INVS: variants seen among roughly 807,000 people sequenced by gnomAD.
The protein encoded by INVS is inversin.
Under a neutral mutation model 108.8 loss-of-function variants are expected in INVS, and 86 were observed. That is an observed-to-expected ratio of 0.79 (90% CI 0.66 to 0.95). INVS has a LOEUF of 0.95. INVS is among the 40% of genes least tolerant of loss of function. The probability of loss-of-function intolerance (pLI) is 0.00; values close to 1 mark genes in which losing one functional copy is unlikely to be tolerated. For missense variants in INVS, 1,169 were observed against 1,297.4 expected (o/e 0.90, Z 1.52); for synonymous variants, 455 against 473.5 (o/e 0.96, Z 0.51).
intron 3 of INVS, among the ~76,000 whole-genome samples, chr9:100,185,383 C>T (rs1236949714): frequency 1.3e-5 from 2 of 151,564 alleles, no homozygotes; most frequent in Non-Finnish European, 2.9e-5. Context: ...TTCAACCAGT[C>T]ACCACCTCCA....
At chr9:100,246,565 C>A in intron 7 of INVS, 51 bp from the exon 8 acceptor site, 1 of 1,351,874 alleles carries the variant, frequency 7.4e-7, no homozygotes, top group Non-Finnish European at 1.1e-6. Context: ...TTTATTACCA[C>A]AGAAAATACT....
chr9:100,219,894 A>G (rs1361786614), intron 3 of INVS, among the ~76,000 whole-genome samples: 6 of 146,168 alleles, frequency 4.1e-5, no homozygotes, highest in South Asian at 2.1e-4. Flanking sequence ...ATATATATAT[A>G]TATATGTTTG....
chr9:100,233,066 C>T (rs965855232), intron 5 of INVS, among the ~76,000 whole-genome samples: 4 of 152,026 alleles, frequency 2.6e-5, no homozygotes, highest in Non-Finnish European at 5.9e-5. Context: ...CAGGGAACTA[C>T]AATGTGAAGA....
At chr9:100,174,779 G>A (rs185784624) in intron 3 of INVS, among the ~76,000 whole-genome samples, 42 of 152,142 alleles carry the variant, frequency 2.8e-4, no homozygotes, top group African/African-American at 1.0e-3. Flanking sequence ...GGGCATGGTG[G>A]TGCGTGCCTG....
intron 3 of INVS, among the ~76,000 whole-genome samples, chr9:100,150,103 TTCTC>T (rs1362500736): frequency 6.6e-6 from 1 of 152,216 alleles, no homozygotes; most frequent in Non-Finnish European, 1.5e-5. Context: ...AAGGGTTTCT[TTCTC>T]ATAGGTCAGA....
At chr9:100,100,812 A>T (rs1275435404) in intron 1 of INVS, among the ~76,000 whole-genome samples, 1 of 8,832 alleles carries the variant, frequency 1.1e-4, no homozygotes, top group African/African-American at 4.9e-4. Context: ...TGTATATATA[A>T]TATATATAAT....
At chr9:100,272,767 G>T in intron 11 of INVS, 97 bp from the exon 12 acceptor site, 1 of 1,136,200 alleles carries the variant, frequency 8.8e-7, no homozygotes, top group South Asian at 1.3e-5. Context: ...ATCTTAGAAT[G>T]AAGTTTCCTT....
intron 10 of INVS, among the ~76,000 whole-genome samples, chr9:100,253,805 C>T (rs532370363): frequency 6.6e-6 from 1 of 152,234 alleles, no homozygotes; most frequent in East Asian, 1.9e-4. Flanking sequence ...TTTCTTAATC[C>T]AGTCTATCAT....
chr9:100,197,969 C>A (rs7854689), intron 3 of INVS, among the ~76,000 whole-genome samples: 4 of 152,058 alleles, frequency 2.6e-5, no homozygotes, highest in Admixed American at 2.6e-4. Context: ...GTTTCTGAGG[C>A]CTAAAGCACC....
At chr9:100,241,001 G>A (rs901054024) in intron 6 of INVS, among the ~76,000 whole-genome samples, 2 of 152,034 alleles carry the variant, frequency 1.3e-5, no homozygotes. Flanking sequence ...AGAGTCAAGA[G>A]CAAAAATGCA....
chr9:100,254,133 T>C (rs972178728), intron 10 of INVS, among the ~76,000 whole-genome samples: 14 of 152,186 alleles, frequency 9.2e-5, no homozygotes, highest in Non-Finnish European at 2.1e-4. Flanking sequence ...TGGTATCTCA[T>C]TGTGGTTTTG....
chr9:100,278,775 C>A, intron 12 of INVS, among the ~76,000 whole-genome samples: 1 of 152,122 alleles, frequency 6.6e-6, no homozygotes, highest in East Asian at 1.9e-4. Context: ...TTGCCTTGCT[C>A]AAGGCAGCAA....
chr9:100,296,972 GGAGAT>G lies in INVS; in HGVS notation c.2844_2848del (p.Asp949GlyfsTer52), dbSNP rs772665481. ...TCGGCATATGAAGCAGCTTGGAGCT[GGAGAT>G]GTGGACAGATGGAGGCAAGAGTCTA... is the stretch of plus-strand genomic sequence containing the variant. On this transcript the variant is annotated frameshift_variant, in exon 15 of 17. Coordinates refer to ENST00000262457, the MANE Select transcript of INVS (RefSeq NM_014425.5). LOFTEE classifies it high-confidence loss of function. 6.2e-7 allele frequency: 1 copy of G among 1,614,088 alleles called. No individual in the cohort carries two copies. Among genetic ancestry groups the G allele is most frequent in the African/African-American group, 1.3e-5 (1 of 75,014 alleles).
intron 3 of INVS, among the ~76,000 whole-genome samples, chr9:100,139,338 T>C (rs1828344492): frequency 1.3e-5 from 2 of 152,210 alleles, no homozygotes; most frequent in African/African-American, 4.8e-5. Context: ...ATTAACTCCT[T>C]TCCTTTAACT....
At chr9:100,248,793 A>G (rs1440523366) in intron 8 of INVS, among the ~76,000 whole-genome samples, 1 of 152,072 alleles carries the variant, frequency 6.6e-6, no homozygotes, top group Non-Finnish European at 1.5e-5. Context: ...AATAGAGAGC[A>G]TTGGAGGGAG....
At chr9:100,264,682 C>A in intron 10 of INVS, 140 bp from the exon 11 acceptor site, 1 of 672,342 alleles carries the variant, frequency 1.5e-6, no homozygotes, top group Admixed American at 2.3e-5. Flanking sequence ...GCTTTCTCCA[C>A]TGTATATTTA....
chr9:100,103,693 A>C (rs1020531560), intron 1 of INVS, among the ~76,000 whole-genome samples: 1 of 20,584 alleles, frequency 4.9e-5, no homozygotes, highest in Non-Finnish European at 9.5e-5. Context: ...AGGGGAGGGG[A>C]GGGGAGGCGA....
chr9:100,169,731 G>C (rs898333901), intron 3 of INVS, among the ~76,000 whole-genome samples: 12 of 152,144 alleles, frequency 7.9e-5, no homozygotes, highest in African/African-American at 2.7e-4. Flanking sequence ...TGAGTTGACA[G>C]TAATGCCAAG....
intron 3 of INVS, among the ~76,000 whole-genome samples, chr9:100,178,950 C>T (rs1302253807): frequency 6.6e-6 from 1 of 152,186 alleles, no homozygotes; most frequent in Non-Finnish European, 1.5e-5. Context: ...TCTACAGAAA[C>T]CCTACAAGCC....
Sources: allele counts gnomAD v4.1 joint callset (sites outside exome capture counted in the v4.1 genomes callset), GRCh38; gene constraint gnomAD v4.1.1; transcripts MANE v1.5; gene names NCBI Gene and HGNC (gene_info 2026-07-23, HGNC 2026-07-21).